The following WDR90 variants were observed in gnomAD, a reference collection of about 807,000 sequenced individuals.
WDR90 encodes the protein WD repeat-containing protein 90.
Under a neutral mutation model 195.2 loss-of-function variants are expected in WDR90, and 238 were observed. The ratio of observed to expected loss-of-function variants is 1.22; its 90% CI spans 1.10 to 1.36. WDR90 has a LOEUF of 1.36. Among genes scored for constraint, WDR90 ranks in the 40% most tolerant of loss-of-function variants. The probability of loss-of-function intolerance (pLI) is 0.00; values close to 1 mark genes in which losing one functional copy is unlikely to be tolerated. For synonymous variants in WDR90, 1,265 were observed against 1,052.4 expected (o/e 1.20, Z -3.91); for missense variants, 2,734 against 2,439.5 (o/e 1.12, Z -2.54).
At position 655,292 on chromosome 16, in the gene WDR90, C is replaced by T. The variant is rs1269138412; in HGVS notation, c.1557-15C>T. 1.2e-6 allele frequency: 2 copies of T among 1,608,310 alleles called. No homozygotes were observed. The highest frequency in any genetic ancestry group is 1.7e-6 in the Non-Finnish European group (2 of 1,179,760). ...GCTGCGAGCTGCGGCAGTGCTCAGT[C>T]CTCATTCCTTGCAGGATGGCGTCGT... On this transcript the variant is annotated splice_polypyrimidine_tract_variant and intron_variant, in intron 14 of 40. Transcript: ENST00000293879.
intron 20 of WDR90, 38 bp downstream of exon 20, chr16:657,259 G>A (rs760428620): frequency 6.7e-7 from 1 of 1,502,124 alleles, no homozygotes. Flanking sequence ...GACTCCTCAG[G>A]GCGGGGGAGG....
Position 667,783 on chromosome 16 carries a change from G to A in WDR90, c.*194G>A, listed in dbSNP as rs1457990647. Reference sequence around the variant, plus strand: ...TCATACCTGTTGCCCTTTTGCCTAAGAAATCTTTAATGTTTCTATCTTGTA... The same window carrying A: ...TCATACCTGTTGCCCTTTTGCCTAAAAAATCTTTAATGTTTCTATCTTGTA... On this transcript the variant is annotated 3_prime_UTR_variant, in exon 41 of 41. Coordinates refer to ENST00000293879, the MANE Select transcript of WDR90 (RefSeq NM_145294.5). 1.3e-6 allele frequency: 1 copy of A among 750,382 alleles called. No homozygotes were observed. 46.5% of individuals were successfully genotyped at this position (750,382 alleles called of 1,614,324 possible). A position where few individuals can be genotyped will look rare whatever the true frequency, so the allele number is the denominator to read the frequency against.
At chr16:664,951 T>G (rs1463956956) in intron 34 of WDR90, 2 of 152,580 alleles carry the variant, frequency 1.3e-5, no homozygotes, top group East Asian at 3.8e-4. Context: ...AGGGCTGGGA[T>G]TACAGGCATG....
At chr16:659,915 C>A in intron 26 of WDR90, 143 bp from the exon 27 acceptor site, 3 of 653,416 alleles carry the variant, frequency 4.6e-6, no homozygotes, top group Non-Finnish European at 5.1e-6. Context: ...GGTTTGCCTG[C>A]GTCTGTGGCT....
At position 650,544 on chromosome 16, in the gene WDR90, G is replaced by A. The variant is rs1367134953; in HGVS notation, c.394G>A (p.Val132Met). The A allele has an allele frequency of 1.9e-6, 3 of 1,605,056 alleles. No homozygotes were observed. The highest frequency in any genetic ancestry group is 1.3e-5 in the African/African-American group (1 of 74,726). Reference protein sequence around the residue: ...LEARTPQRDLVGLAPSGARWT... With the variant: ...LEARTPQRDLMGLAPSGARWT... ...CCTGAGTGCCCATCCTGCAGATCTG[G>A]TGGGTTTGGCCCCCTCCGGAGCCCG... Residue 132 changes from valine to methionine, a missense_variant, in exon 5 of 41, where the codon GTG becomes ATG. Coordinates refer to ENST00000293879, the MANE Select transcript of WDR90 (RefSeq NM_145294.5).
In WDR90 at chr16:660,158, CA is replaced by C; in HGVS notation, c.3287del (p.Lys1096ArgfsTer15). The C allele has an allele frequency of 6.5e-7, 1 of 1,526,898 alleles. No homozygotes were observed. The highest frequency in any genetic ancestry group is 8.8e-7 in the Non-Finnish European group (1 of 1,131,742). The allele number at this position is 1,526,898 out of a possible 1,614,324, so 94.6% of individuals were successfully genotyped here. A position where few individuals can be genotyped will look rare whatever the true frequency, so the allele number is the denominator to read the frequency against. On this transcript the variant is annotated frameshift_variant and splice_region_variant, in exon 27 of 41. Transcript: ENST00000293879. LOFTEE classifies it high-confidence loss of function. The part of the protein sequence containing the change: ...ARVSCSPHSA[K>X]GTCPPPASGG... ...GGGTCAGCTGCAGCCCCCACTCTGC[CA>C]AGGTGGGGAGTGGTTTCTGGGAGCC... is the stretch of plus-strand genomic sequence containing the variant.
chr16:657,316 TG>T (rs1195999028), intron 20 of WDR90, 95 bp downstream of exon 20: 28 of 1,436,952 alleles, frequency 1.9e-5, no homozygotes, highest in Non-Finnish European at 2.3e-5. Context: ...GCCGGTTTCC[TG>T]GTGCACCGAC....
In WDR90 at chr16:661,185, A is replaced by T. The variant is rs1417720190; in HGVS notation, c.3513+13A>T. On this transcript the variant is annotated intron_variant, in intron 29 of 40. Transcript: ENST00000293879. ...CCACAGTGCCCAGGTGCCCGCCTGC[A>T]TCGCCCTCCTCCTCTCCCAGGGCCA... 3 of 1,533,502 alleles carry T rather than the reference A, an allele frequency of 2.0e-6. No individual in the cohort carries two copies. In the African/African-American group the frequency reaches 4.1e-5, roughly 21 times the overall value. 95.0% of individuals were successfully genotyped at this position (1,533,502 alleles called of 1,614,324 possible). A position where few individuals can be genotyped will look rare whatever the true frequency, so the allele number is the denominator to read the frequency against.
chr16:654,987 C>T (rs543237623), intron 13 of WDR90, 42 bp from the exon 14 acceptor site: 34 of 1,592,582 alleles, frequency 2.1e-5, no homozygotes, highest in South Asian at 2.2e-5. Context: ...GAGGTGGCCC[C>T]GACTGGCCCT....
intron 7 of WDR90, 31 bp from the exon 8 acceptor site, chr16:651,613 T>A: frequency 6.2e-7 from 1 of 1,605,136 alleles, no homozygotes; most frequent in Non-Finnish European, 8.5e-7. Flanking sequence ...AGCTGGCCCC[T>A]GGGTCACTGG....
chr16:650,282 C>G lies in WDR90; in HGVS notation c.308C>G (p.Ser103Cys). 6.2e-7 allele frequency: 1 copy of G among 1,613,022 alleles called. No homozygotes were observed. The highest frequency in any genetic ancestry group is 8.5e-7 in the Non-Finnish European group (1 of 1,179,958). ...KDNQVIRVSF[S>C]NLFKEFKSTA... is the part of the protein sequence containing the mutation. ...AACCAAGTCATCCGTGTGTCTTTCT[C>G]CAACCTCTTCAAGGAGTTTAAGTCT... Residue 103 changes from serine (S) to cysteine (C), a missense_variant, in exon 4 of 41, where the codon TCC (serine) becomes TGC (cysteine). Coordinates refer to ENST00000293879, the MANE Select transcript of WDR90 (RefSeq NM_145294.5).
In WDR90 at chr16:650,568, C is replaced by T. The variant is rs768951910; in HGVS notation, c.418C>T (p.Arg140Cys). 14 of 1,612,008 alleles carry T rather than the reference C, an allele frequency of 8.7e-6. No homozygotes were observed. The highest frequency in any genetic ancestry group is 5.0e-5 in the Admixed American group (3 of 59,988). Residue 140 changes from arginine to cysteine, a missense_variant, in exon 5 of 41, where the codon CGC becomes TGC. Coordinates refer to ENST00000293879, the MANE Select transcript of WDR90 (RefSeq NM_145294.5). ...DLVGLAPSGA[R>C]WTCLQLDLQD... is the part of the protein sequence containing the mutation. ...GGTGGGTTTGGCCCCCTCCGGAGCC[C>T]GCTGGACCTGCCTGCAGCTCGATCT...
chr16:655,384 TAG>T lies in WDR90; in HGVS notation c.1635_1636del (p.Glu547AlafsTer39). On this transcript the variant is annotated frameshift_variant, in exon 15 of 41. Transcript: ENST00000293879. LOFTEE classifies it high-confidence loss of function. ...GTGCTGCGTTCCTGCCCCGTGGACT[TAG>T]GGGAGCACCACGCGCTGCAGTTCAC... 6.3e-7 allele frequency: 1 copy of T among 1,599,608 alleles called. No homozygotes were observed. Among genetic ancestry groups the T allele is most frequent in the Non-Finnish European group, 8.5e-7 (1 of 1,178,470 alleles).
intron 26 of WDR90, among the ~76,000 whole-genome samples, chr16:659,581 G>C (rs972073894): frequency 3.9e-5 from 6 of 152,186 alleles, no homozygotes; most frequent in African/African-American, 1.4e-4. Context: ...GGGTCGGGAT[G>C]GGGGCAGCTT....
intron 23 of WDR90, 99 bp from the exon 24 acceptor site, chr16:658,797 G>A: frequency 1.3e-6 from 2 of 1,558,994 alleles, no homozygotes; most frequent in Non-Finnish European, 1.7e-6. Context: ...GTGCCTCCGG[G>A]GCCTCACACT....
chr16:651,573 C>A, intron 7 of WDR90, 71 bp from the exon 8 acceptor site: 1 of 1,483,630 alleles, frequency 6.7e-7, no homozygotes, highest in Non-Finnish European at 9.3e-7. Context: ...GCTGCCCTCC[C>A]CAGGCGTCAC....
At chr16:665,261 TCA>T (rs2037998336) in intron 34 of WDR90, 2 of 266,774 alleles carry the variant, frequency 7.5e-6, no homozygotes, top group African/African-American at 7.3e-5. Context: ...CTCCTGTCTT[TCA>T]GCCTCAGTCT....
At chr16:662,372 G>A in intron 33 of WDR90, 41 bp downstream of exon 33, 1 of 1,539,298 alleles carries the variant, frequency 6.5e-7, no homozygotes. Flanking sequence ...GCACGTGGGT[G>A]TTGGTGTCCC....
intron 34 of WDR90, chr16:663,393 GCACCACT>G: frequency 8.2e-6 from 2 of 242,600 alleles, no homozygotes; most frequent in Non-Finnish European, 1.6e-5. Flanking sequence ...AACCAAGATT[GCACCACT>G]GCACTCCAGC....
Sources: allele counts gnomAD v4.1 joint callset (sites outside exome capture counted in the v4.1 genomes callset), GRCh38; gene constraint gnomAD v4.1.1; transcripts MANE v1.5; gene names NCBI Gene and HGNC (gene_info 2026-07-23, HGNC 2026-07-21).